Variants in NDUFA5 observed in about 807,000 individuals in gnomAD.
NDUFA5 encodes NADH dehydrogenase [ubiquinone] 1 alpha subcomplex subunit 5.
NDUFA5 carries 11 observed loss-of-function variants against 19.8 expected under a neutral mutation model. That is an observed-to-expected ratio of 0.56 (90% CI 0.35 to 0.92). NDUFA5 has a LOEUF of 0.92. Ranked by LOEUF, NDUFA5 falls within the 40% of genes least tolerant of loss-of-function variation. The pLI is 0.01. For missense variants in NDUFA5, 109 were observed against 134.2 expected (o/e 0.81, Z 0.93); for synonymous variants, 47 against 46.8 (o/e 1.00, Z -0.01).
the NDUFA5 span, among the ~76,000 whole-genome samples, chr7:123,574,615 A>G: frequency 3.3e-5 from 5 of 152,148 alleles, no homozygotes; most frequent in African/African-American, 1.2e-4. Context: ...CAGTAGCATC[A>G]TATCTACATT....
chr7:123,565,647 G>A, the NDUFA5 span, among the ~76,000 whole-genome samples: 9 of 151,752 alleles, frequency 5.9e-5, no homozygotes, highest in Middle Eastern at 3.4e-3. Context: ...TTGGGAAGCC[G>A]AGGCAGATGG....
chr7:123,600,885 T>C, the NDUFA5 span, among the ~76,000 whole-genome samples: 1 of 152,142 alleles, frequency 6.6e-6, no homozygotes, highest in Non-Finnish European at 1.5e-5. Flanking sequence ...AAGCGTGTAG[T>C]GCTCCCAGTA....
At chr7:123,564,933 A>T in the NDUFA5 span, among the ~76,000 whole-genome samples, 1 of 151,774 alleles carries the variant, frequency 6.6e-6, no homozygotes, top group Non-Finnish European at 1.5e-5. Flanking sequence ...ATATATACAC[A>T]TACACACACA....
At chr7:123,549,768 A>C (rs982116605) in intron 3 of NDUFA5, among the ~76,000 whole-genome samples, 1 of 152,210 alleles carries the variant, frequency 6.6e-6, no homozygotes. Flanking sequence ...ACAGAGTGAG[A>C]CCCATCATAT....
the NDUFA5 span, among the ~76,000 whole-genome samples, chr7:123,566,017 TAAAAAAA>T: frequency 7.7e-6 from 1 of 129,606 alleles, no homozygotes; most frequent in East Asian, 2.2e-4. Flanking sequence ...AGACTCCGTC[TAAAAAAA>T]AAAAAAAGAA....
At chr7:123,597,495 A>T in the NDUFA5 span, among the ~76,000 whole-genome samples, 1 of 152,124 alleles carries the variant, frequency 6.6e-6, no homozygotes, top group Non-Finnish European at 1.5e-5. Flanking sequence ...AGAGTTCTGT[A>T]TTATTTGTGT....
the NDUFA5 span, among the ~76,000 whole-genome samples, chr7:123,601,554 A>C: frequency 6.6e-6 from 1 of 152,152 alleles, no homozygotes; most frequent in Non-Finnish European, 1.5e-5. Flanking sequence ...AATACCTTTA[A>C]ATTGTGCGTT....
the NDUFA5 span, among the ~76,000 whole-genome samples, chr7:123,597,917 CGTGT>C: frequency 0.14 from 18,614 of 132,798 alleles, 1,178 homozygotes; most frequent in South Asian, 0.18. Context: ...TTTCAAACTT[CGTGT>C]GTGTGTGTGT....
the NDUFA5 span, among the ~76,000 whole-genome samples, chr7:123,586,973 TTTGTATTATAATTTGAA>T: frequency 2.0e-5 from 3 of 151,752 alleles, no homozygotes; most frequent in African/African-American, 7.2e-5. Context: ...ATTTGAAATC[TTTGTATTATAATTTGAA>T]TTGTATTATA....
chr7:123,558,427 T>TG (rs1798638632), upstream of NDUFA5, among the ~76,000 whole-genome samples: 1 of 152,208 alleles, frequency 6.6e-6, no homozygotes, highest in Non-Finnish European at 1.5e-5. Flanking sequence ...CCACTCACTA[T>TG]GTGTCAGTTA....
At chr7:123,558,120 G>A (rs1163154434), upstream of NDUFA5, 8 of 486,636 alleles carry the variant, frequency 1.6e-5, no homozygotes, top group Non-Finnish European at 7.5e-6. Context: ...AACTCCAGTC[G>A]CTGTAGGAAC....
chr7:123,538,814 T>A lies in NDUFA5; in HGVS notation c.*3305A>T, dbSNP rs184725183. ...ACTTGTGTAGGGTGTTAGACTTCTG[T>A]ATGTTTACATAATCATAGAGGATGG... On this transcript the variant is annotated 3_prime_UTR_variant, in exon 5 of 5. Coordinates refer to ENST00000355749, the MANE Select transcript of NDUFA5 (RefSeq NM_005000.5). 1.3e-5 allele frequency: 2 copies of A among 152,330 alleles called. No homozygotes were observed. The highest frequency in any genetic ancestry group is 3.9e-4 in the East Asian group (2 of 5,182). 9.4% of individuals were successfully genotyped at this position (152,330 alleles called of 1,614,324 possible). A position where few individuals can be genotyped will look rare whatever the true frequency, so the allele number is the denominator to read the frequency against.
chr7:123,568,388 C>T, the NDUFA5 span, among the ~76,000 whole-genome samples: 7 of 151,422 alleles, frequency 4.6e-5, no homozygotes, highest in Non-Finnish European at 7.4e-5. Context: ...GGCATGGTGG[C>T]GCATGCTTGT....
chr7:123,570,037 T>G, the NDUFA5 span, among the ~76,000 whole-genome samples: 1 of 122,476 alleles, frequency 8.2e-6, no homozygotes, highest in Non-Finnish European at 1.8e-5. Flanking sequence ...AGCTTTTTTT[T>G]TTTTTTTTTT....
intron 2 of NDUFA5, 200 bp downstream of exon 2, chr7:123,557,204 A>C: frequency 2.6e-6 from 2 of 776,950 alleles, no homozygotes; most frequent in Non-Finnish European, 4.4e-6. Context: ...TGGCTTAATA[A>C]AGAGGTCATG....
chr7:123,557,865 G>A, upstream of NDUFA5: 1 of 1,612,972 alleles, frequency 6.2e-7, no homozygotes, highest in African/African-American at 1.3e-5. Flanking sequence ...ATCGACCACC[G>A]AGGTCGCCAC....
At chr7:123,587,183 C>A in the NDUFA5 span, among the ~76,000 whole-genome samples, 1 of 151,424 alleles carries the variant, frequency 6.6e-6, no homozygotes, top group African/African-American at 2.4e-5. Flanking sequence ...ACTGTTAATT[C>A]TTCCAAATTC....
the NDUFA5 span, among the ~76,000 whole-genome samples, chr7:123,597,449 T>C: frequency 6.6e-6 from 1 of 152,208 alleles, no homozygotes; most frequent in Non-Finnish European, 1.5e-5. Flanking sequence ...AACGTTATCA[T>C]AAGTATCTAT....
At chr7:123,583,514 T>G in the NDUFA5 span, among the ~76,000 whole-genome samples, 1 of 151,990 alleles carries the variant, frequency 6.6e-6, no homozygotes, top group African/African-American at 2.4e-5. Flanking sequence ...AGTTTTAAAT[T>G]CTACTTCAAT....
Sources: gnomAD v4.1 joint callset for allele counts (sites outside exome capture counted in the v4.1 genomes callset) on GRCh38, gnomAD v4.1.1 for gene constraint, MANE v1.5 for transcripts, NCBI Gene and HGNC (gene_info 2026-07-23, HGNC 2026-07-21) for gene names.